The following EPHB2 variants were observed in gnomAD, a reference collection of about 807,000 sequenced individuals.
The protein encoded by EPHB2 is EPH receptor B2.
In EPHB2, 18 loss-of-function variants were observed where a neutral mutation model predicts 96.4. The observed-to-expected ratio is 0.19, with a 90% CI of 0.13 to 0.28. The LOEUF is 0.28. Ranked by LOEUF, EPHB2 falls within the 10% of genes least tolerant of loss-of-function variation. EPHB2 has a pLI of 1.00. For missense variants in EPHB2, 989 were observed against 1,355.4 expected (o/e 0.73, Z 4.25); for synonymous variants, 506 against 534.1 (o/e 0.95, Z 0.72).
intron 1 of EPHB2, among the ~76,000 whole-genome samples, chr1:22,779,805 T>C (rs1397565098): frequency 6.6e-6 from 1 of 152,216 alleles, no homozygotes; most frequent in Non-Finnish European, 1.5e-5. Flanking sequence ...TCGTATTTGT[T>C]TCCTGGAACA....
intron 1 of EPHB2, among the ~76,000 whole-genome samples, chr1:22,780,129 G>A (rs1421611105): frequency 6.6e-6 from 1 of 152,220 alleles, no homozygotes; most frequent in African/African-American, 2.4e-5. Flanking sequence ...ACGCTTGAAA[G>A]GGGTCCATTT....
rs1640255842 is a variant in EPHB2 at position 22,915,969 on chromosome 1, C to T, written c.*2399C>T. The stretch of plus-strand genomic sequence containing the variant: ...GCACAGCACAGCCCATCGTCTGTCA[C>T]TCACCTGTTCCGGGAGCCTGAGCTG... On this transcript the variant is annotated 3_prime_UTR_variant, in exon 16 of 16. Coordinates refer to ENST00000374630, the MANE Select transcript of EPHB2 (RefSeq NM_017449.5). The T allele has an allele frequency of 6.6e-6, 1 of 152,392 alleles. No individual in the cohort carries two copies. Among genetic ancestry groups the T allele is most frequent in the Admixed American group, 6.5e-5 (1 of 15,286 alleles). The allele number at this position is 152,392 out of a possible 1,614,324, so 9.4% of individuals were successfully genotyped here.
intron 1 of EPHB2, among the ~76,000 whole-genome samples, chr1:22,713,682 C>T (rs1024984323): frequency 2.0e-5 from 3 of 152,146 alleles, no homozygotes; most frequent in Admixed American, 6.5e-5. Context: ...GGAGGGTGGC[C>T]CCTCTGGCTC....
intron 1 of EPHB2, among the ~76,000 whole-genome samples, chr1:22,741,582 A>G (rs1428296428): frequency 1.3e-5 from 2 of 151,034 alleles, no homozygotes; most frequent in Admixed American, 1.3e-4. Flanking sequence ...AGGACCCTGT[A>G]GCCCATCTAT....
At chr1:22,812,740 G>C (rs1469438990) in intron 3 of EPHB2, among the ~76,000 whole-genome samples, 2 of 152,236 alleles carry the variant, frequency 1.3e-5, no homozygotes, top group Non-Finnish European at 2.9e-5. Context: ...GAGCAAGCCT[G>C]GTTAGATGGG....
intron 1 of EPHB2, 40 bp from the exon 2 acceptor site, chr1:22,781,381 G>A (rs1411737796): frequency 1.3e-6 from 2 of 1,596,192 alleles, no homozygotes; most frequent in African/African-American, 2.7e-5. Flanking sequence ...ACAGCGCCTG[G>A]TAGGTGGGGC....
intron 13 of EPHB2, among the ~76,000 whole-genome samples, chr1:22,909,859 G>T (rs1385994728): frequency 6.6e-6 from 1 of 152,210 alleles, no homozygotes; most frequent in Non-Finnish European, 1.5e-5. Flanking sequence ...GGGGTGTTTG[G>T]ATGCATTTCC....
intron 3 of EPHB2, among the ~76,000 whole-genome samples, 167 bp from the exon 4 acceptor site, chr1:22,862,870 C>T (rs774806660): frequency 6.6e-6 from 1 of 152,214 alleles, no homozygotes; most frequent in East Asian, 1.9e-4. Flanking sequence ...AGAACTCCCA[C>T]GTTGGGGCCT....
At chr1:22,728,687 A>C (rs1643636342) in intron 1 of EPHB2, among the ~76,000 whole-genome samples, 6 of 152,134 alleles carry the variant, frequency 3.9e-5, no homozygotes, top group Admixed American at 3.9e-4. Context: ...TGGACTGATC[A>C]CACTAGGGAT....
intron 3 of EPHB2, among the ~76,000 whole-genome samples, chr1:22,815,997 C>G (rs1046423054): frequency 1.3e-5 from 2 of 152,144 alleles, no homozygotes; most frequent in African/African-American, 4.8e-5. Context: ...CCAACTTTAC[C>G]ATTCACGTGC....
At chr1:22,751,823 C>G (rs940823467) in intron 1 of EPHB2, among the ~76,000 whole-genome samples, 1 of 152,210 alleles carries the variant, frequency 6.6e-6, no homozygotes, top group Non-Finnish European at 1.5e-5. Flanking sequence ...AGGGCTGCCT[C>G]CTTTGTCATG....
chr1:22,846,710 C>T lies in EPHB2; in HGVS notation c.812-16327C>T, dbSNP rs1208648749. ...TCCCATCTCCACCCCTCCGCCCACG[C>T]TGCTCCCTCAGCCTCGCATGCTTCT... On this transcript the variant is annotated intron_variant, in intron 3 of 15. Coordinates refer to ENST00000374630, the MANE Select transcript of EPHB2 (RefSeq NM_017449.5). This position sits in a 1 kb window ranked among gnomAD's most constrained non-coding sequence, Gnocchi z 4.3. Among the ~76,000 whole-genome samples, 1 of 152,240 alleles carries T rather than the reference C, an allele frequency of 6.6e-6. No homozygotes were observed. Among genetic ancestry groups the T allele is most frequent in the Non-Finnish European group, 1.5e-5 (1 of 68,040 alleles).
chr1:22,784,280 C>A lies in EPHB2; in HGVS notation c.127-112C>A. 1 of 978,134 alleles carries A rather than the reference C, an allele frequency of 1.0e-6. No homozygotes were observed. Among genetic ancestry groups the A allele is most frequent in the Non-Finnish European group, 1.6e-6 (1 of 621,922 alleles). 60.6% of individuals were successfully genotyped at this position (978,134 alleles called of 1,614,324 possible). On this transcript the variant is annotated intron_variant, in intron 2 of 15. Coordinates refer to ENST00000374630, the MANE Select transcript of EPHB2 (RefSeq NM_017449.5). The surrounding 1 kb of genome is among the most constrained non-coding windows in gnomAD (Gnocchi z 5.1). ...CAGATTGGGAATTCTCTGATGTCTT[C>A]ACCATTAGACTGGAGGGTTCCCTAA...
In EPHB2 at chr1:22,864,888, G is replaced by A. The variant is rs200298851; in HGVS notation, c.979G>A (p.Ala327Thr). The change falls in exon 5 of 16, where the codon GCG (alanine) becomes ACG (threonine). Residue 327 changes from alanine (A) to threonine (T), a missense_variant. By Grantham distance (58) the Ala-to-Thr change is moderately conservative. Coordinates refer to ENST00000374630, the MANE Select transcript of EPHB2 (RefSeq NM_017449.5). ...CTCCCCCGCCCCAGCCATCCCCTCC[G>A]CGCCCCAGGCTGTGATTTCCAGTGT... ...LDMPCTTIPS[A>T]PQAVISSVNE... 18 of 1,445,538 alleles carry A rather than the reference G, an allele frequency of 1.2e-5. 1 individual carries two copies. Among genetic ancestry groups the A allele is most frequent in the East Asian group, 5.3e-5 (2 of 37,558 alleles). The allele number at this position is 1,445,538 out of a possible 1,614,324, so 89.5% of individuals were successfully genotyped here. A position where few individuals can be genotyped will look rare whatever the true frequency, so the allele number is the denominator to read the frequency against.
At chr1:22,754,094 C>G (rs565634701) in intron 1 of EPHB2, among the ~76,000 whole-genome samples, 42 of 152,278 alleles carry the variant, frequency 2.8e-4, no homozygotes, top group African/African-American at 9.9e-4. Flanking sequence ...CTGTGGGCTC[C>G]TTAGGGGGCA....
chr1:22,895,495 G>A lies in EPHB2; in HGVS notation c.1615G>A (p.Glu539Lys). ...AGCCGAGTACCAGACAAGCATCCAG[G>A]AGAAGTTGCCACTCATCATCGGCTC... is the stretch of plus-strand genomic sequence containing the variant. ...TEAEYQTSIQ[E>K]KLPLIIGSSA... Residue 539 changes from glutamate (E) to lysine (K), a missense_variant, in exon 8 of 16, where the codon GAG (glutamate) becomes AAG (lysine). Coordinates refer to ENST00000374630, the MANE Select transcript of EPHB2 (RefSeq NM_017449.5). The A allele has an allele frequency of 2.5e-6, 4 of 1,614,256 alleles. No homozygotes were observed. The highest frequency in any genetic ancestry group is 1.1e-5 in the South Asian group (1 of 91,088).
chr1:22,733,713 C>T lies in EPHB2; in HGVS notation c.61+22670C>T, dbSNP rs192487762. ...AAGGGGCGGAAATGGGATTTGAACC[C>T]GCGATTCTCTAAGTCCAAAGCCCAT... On this transcript the variant is annotated intron_variant, in intron 1 of 15. Transcript: ENST00000374630. This position sits in a 1 kb window ranked among gnomAD's most constrained non-coding sequence, Gnocchi z 4.6. Among the ~76,000 whole-genome samples, 10 of 152,294 alleles carry T rather than the reference C, an allele frequency of 6.6e-5. No homozygotes were observed. The highest frequency in any genetic ancestry group is 5.2e-4 in the Admixed American group (8 of 15,296).
chr1:22,769,416 T>C (rs1425436485), intron 1 of EPHB2, among the ~76,000 whole-genome samples: 1 of 148,564 alleles, frequency 6.7e-6, no homozygotes, highest in Non-Finnish European at 1.5e-5. Context: ...TTCTTTTTCT[T>C]TTTTGAGACA....
intron 3 of EPHB2, among the ~76,000 whole-genome samples, chr1:22,786,987 G>A (rs1644620896): frequency 6.6e-6 from 1 of 152,202 alleles, no homozygotes; most frequent in Non-Finnish European, 1.5e-5. Flanking sequence ...ACAAGTGAAT[G>A]GGAAACCAGC....
Sources: gnomAD v4.1 joint callset for allele counts (sites outside exome capture counted in the v4.1 genomes callset) on GRCh38, gnomAD v4.1.1 for gene constraint, Gnocchi (gnomAD v3.1) non-coding constraint, MANE v1.5 for transcripts, NCBI Gene and HGNC (gene_info 2026-07-23, HGNC 2026-07-21) for gene names.